Variants in DIP2B observed in about 807,000 individuals in gnomAD.
DIP2B encodes the protein disco-interacting protein 2 homolog B.
A neutral mutation model predicts 198.0 loss-of-function variants in DIP2B; 76 were observed. The observed-to-expected ratio is 0.38, with a 90% CI of 0.32 to 0.46. The LOEUF (loss-of-function observed/expected upper bound fraction) is 0.46. DIP2B is among the 20% of genes least tolerant of loss of function. DIP2B has a pLI of 0.99. For missense variants in DIP2B, 1,559 were observed against 1,978.4 expected (o/e 0.79, Z 4.02); for synonymous variants, 701 against 739.1 (o/e 0.95, Z 0.84).
chr12:50,593,724 T>C (rs1199396218), intron 1 of DIP2B, among the ~76,000 whole-genome samples: 7 of 3,556 alleles, frequency 2.0e-3, no homozygotes, highest in African/African-American at 8.5e-3. Context: ...TCCTCTCCTC[T>C]CCTCTCCTCT....
chr12:50,695,539 T>A (rs2139554121), intron 15 of DIP2B, among the ~76,000 whole-genome samples, 179 bp downstream of exon 15: 1 of 152,270 alleles, frequency 6.6e-6, no homozygotes, highest in Non-Finnish European at 1.5e-5. Flanking sequence ...TCTTAAGCAT[T>A]GAGATGAATT....
intron 1 of DIP2B, among the ~76,000 whole-genome samples, chr12:50,505,940 G>A (rs780462669): frequency 6.6e-6 from 1 of 151,920 alleles, no homozygotes; most frequent in Non-Finnish European, 1.5e-5. Flanking sequence ...GATGAAGGAA[G>A]GAGAGGAGGC....
chr12:50,640,938 C>T (rs2731436), intron 3 of DIP2B, 86 bp downstream of exon 3: 1,439,019 of 1,453,370 alleles, frequency 0.99, 713,126 homozygotes, highest in Non-Finnish European at 1. Flanking sequence ...TAATACTTGT[C>T]TTTTTTTTCC....
At chr12:50,615,034 C>T (rs1937671108) in intron 1 of DIP2B, among the ~76,000 whole-genome samples, 1 of 152,178 alleles carries the variant, frequency 6.6e-6, no homozygotes, top group Non-Finnish European at 1.5e-5. Flanking sequence ...GAATGCCTGG[C>T]ACATGCACCA....
intron 1 of DIP2B, among the ~76,000 whole-genome samples, chr12:50,511,814 G>A (rs980345331): frequency 6.6e-6 from 1 of 151,172 alleles, no homozygotes; most frequent in Admixed American, 6.6e-5. Context: ...TCGGCGTGGT[G>A]GCTTGCACCT....
At chr12:50,545,787 C>T (rs1958372199) in intron 1 of DIP2B, among the ~76,000 whole-genome samples, 1 of 151,810 alleles carries the variant, frequency 6.6e-6, no homozygotes, top group Non-Finnish European at 1.5e-5. Context: ...AGGCGTGTGC[C>T]ACCGTGCCCA....
chr12:50,640,906 A>T (rs1938245396), intron 3 of DIP2B, 54 bp downstream of exon 3: 1 of 1,580,724 alleles, frequency 6.3e-7, no homozygotes, highest in Non-Finnish European at 8.6e-7. Context: ...CAGTAGTATG[A>T]ACTGTGTATC....
intron 1 of DIP2B, among the ~76,000 whole-genome samples, chr12:50,603,595 G>C (rs1192276604): frequency 6.6e-6 from 1 of 152,052 alleles, no homozygotes; most frequent in East Asian, 1.9e-4. Flanking sequence ...GCTGGGCATG[G>C]TTGCATGCTC....
At chr12:50,673,589 C>G (rs186949090) in intron 5 of DIP2B, among the ~76,000 whole-genome samples, 1 of 152,088 alleles carries the variant, frequency 6.6e-6, no homozygotes, top group Non-Finnish European at 1.5e-5. Flanking sequence ...GAGTTCGAGA[C>G]CAGCCTGGGC....
At chr12:50,743,151 C>T (rs548701869) in intron 37 of DIP2B, among the ~76,000 whole-genome samples, 443 of 152,128 alleles carry the variant, frequency 2.9e-3, no homozygotes, top group Non-Finnish European at 4.7e-3. Flanking sequence ...GGTGCGATCC[C>T]GGCTCACTGC....
intron 3 of DIP2B, among the ~76,000 whole-genome samples, chr12:50,641,214 G>A (rs1424956538): frequency 1.3e-5 from 2 of 152,066 alleles, no homozygotes; most frequent in Admixed American, 6.6e-5. Flanking sequence ...AAAATTAGCT[G>A]GGCATGGTGG....
chr12:50,690,502 A>G (rs912908863), intron 12 of DIP2B, among the ~76,000 whole-genome samples: 2 of 152,222 alleles, frequency 1.3e-5, no homozygotes, highest in Non-Finnish European at 2.9e-5. Context: ...CCTGGGCAAC[A>G]TGGTGAGACT....
At chr12:50,620,465 C>T (rs1937789368) in intron 1 of DIP2B, among the ~76,000 whole-genome samples, 1 of 152,206 alleles carries the variant, frequency 6.6e-6, no homozygotes, top group Non-Finnish European at 1.5e-5. Context: ...GCTGGACAGT[C>T]TCACAGCGTG....
chr12:50,520,283 G>T (rs944530374), intron 1 of DIP2B, among the ~76,000 whole-genome samples: 2 of 151,988 alleles, frequency 1.3e-5, no homozygotes, highest in Non-Finnish European at 2.9e-5. Flanking sequence ...TGATCTGCCC[G>T]CCTCGGCCTT....
chr12:50,712,665 T>G (rs1167326461), intron 22 of DIP2B, among the ~76,000 whole-genome samples: 1 of 151,868 alleles, frequency 6.6e-6, no homozygotes, highest in African/African-American at 2.4e-5. Flanking sequence ...TCCCAGCACT[T>G]TGGGAGGCCG....
intron 3 of DIP2B, among the ~76,000 whole-genome samples, chr12:50,642,857 A>G (rs997824063): frequency 1.3e-5 from 2 of 152,200 alleles, no homozygotes; most frequent in Non-Finnish European, 2.9e-5. Context: ...GGCTGGAAGT[A>G]GCAAAGCATT....
chr12:50,536,271 GCATACATA>G (rs55888934), intron 1 of DIP2B, among the ~76,000 whole-genome samples: 2,095 of 148,074 alleles, frequency 0.014, 24 homozygotes, highest in Non-Finnish European at 0.019. Flanking sequence ...CTAAATACGT[GCATACATA>G]CATACATACA....
At chr12:50,545,568 T>G (rs1958369948) in intron 1 of DIP2B, among the ~76,000 whole-genome samples, 1 of 151,858 alleles carries the variant, frequency 6.6e-6, no homozygotes. Flanking sequence ...TTACAGATAG[T>G]GTCTTGCCAT....
chr12:50,666,379 G>GC (rs1938752769), intron 4 of DIP2B, among the ~76,000 whole-genome samples: 1 of 152,098 alleles, frequency 6.6e-6, no homozygotes. Flanking sequence ...TCAATAACTT[G>GC]CCCAGACTTC....
Sources: gnomAD v4.1 joint callset for allele counts (sites outside exome capture counted in the v4.1 genomes callset) on GRCh38, gnomAD v4.1.1 for gene constraint, MANE v1.5 for transcripts, NCBI Gene and HGNC (gene_info 2026-07-23, HGNC 2026-07-21) for gene names.